Variants in FBN1 observed in about 807,000 individuals in gnomAD.
FBN1 encodes the protein fibrillin 1, also known as fibrillin-1.
In FBN1, 29 loss-of-function variants were observed where a neutral mutation model predicts 365.1. The ratio of observed to expected loss-of-function variants is 0.08; its 90% CI spans 0.06 to 0.11. The LOEUF (loss-of-function observed/expected upper bound fraction) is 0.11. Among genes scored for constraint, FBN1 ranks in the 10% least tolerant of loss-of-function variants. The pLI is 1.00. For missense variants in FBN1, 2,476 were observed against 3,703.2 expected, an observed-to-expected ratio of 0.67 and a Z score of 8.60; for synonymous variants, 1,210 against 1,270.5, an observed-to-expected ratio of 0.95 and a Z score of 1.01.
chr15:48,471,528 C>T (rs1378498324), intron 35 of FBN1, among the ~76,000 whole-genome samples: 1 of 152,168 alleles, frequency 6.6e-6, no homozygotes, highest in Non-Finnish European at 1.5e-5. Flanking sequence ...GGCACATGAT[C>T]AAGAGCATAA....
intron 36 of FBN1, among the ~76,000 whole-genome samples, 170 bp from the exon 37 acceptor site, chr15:48,468,704 G>A (rs2043343172): frequency 6.7e-6 from 1 of 149,722 alleles, no homozygotes; most frequent in African/African-American, 2.5e-5. Flanking sequence ...ACCTCAGGAA[G>A]GAAATATGAT....
intron 6 of FBN1, among the ~76,000 whole-genome samples, chr15:48,575,800 GAT>G: frequency 8.6e-6 from 1 of 115,640 alleles, no homozygotes; most frequent in Non-Finnish European, 1.8e-5. Flanking sequence ...GAAAATGTGA[GAT>G]ACACACACAC....
chr15:48,441,773 T>C lies in FBN1; in HGVS notation c.6111A>G (p.Lys2037=), dbSNP rs200681876. ...AGGAAAACCCTTCTGGACACAGACA[T>C]TTGAAGCTGCCTTCAGTGTTACTGC... The part of the protein sequence containing the change: ...GTCSNTEGSF[K]CLCPEGFSLS... The change falls in exon 50 of 66, where the codon AAA becomes AAG. Residue 2037 remains lysine, a synonymous_variant. Coordinates refer to ENST00000316623, the MANE Select transcript of FBN1 (RefSeq NM_000138.5). The C allele has an allele frequency of 6.2e-7, 1 of 1,613,734 alleles. No individual in the cohort carries two copies. The highest frequency in any genetic ancestry group is 2.2e-5 in the East Asian group (1 of 44,878).
In FBN1 at chr15:48,410,581, T is replaced by C. The variant is rs2042852315; in HGVS notation, c.*409A>G. The C allele has an allele frequency of 5.6e-6, 1 of 178,944 alleles. No individual in the cohort carries two copies. The highest frequency in any genetic ancestry group is 1.2e-5 in the Non-Finnish European group (1 of 84,666). 11.1% of individuals were successfully genotyped at this position (178,944 alleles called of 1,614,324 possible). On this transcript the variant is annotated 3_prime_UTR_variant, in exon 66 of 66. Coordinates refer to ENST00000316623, the MANE Select transcript of FBN1 (RefSeq NM_000138.5). Reference sequence around the variant, plus strand: ...TGAAAATTTACTAGCACCAAATAGGTACCATAAATGGACAACCTAGTACTT... The same window carrying C: ...TGAAAATTTACTAGCACCAAATAGGCACCATAAATGGACAACCTAGTACTT...
At chr15:48,494,364 A>T (rs1171908920) in intron 22 of FBN1, 110 bp from the exon 23 acceptor site, 9 of 823,066 alleles carry the variant, frequency 1.1e-5, no homozygotes, top group Non-Finnish European at 1.9e-5. Flanking sequence ...TGGAACATGA[A>T]GTAGATTGTG....
chr15:48,523,135 C>G (rs775407295), intron 9 of FBN1, among the ~76,000 whole-genome samples: 4 of 152,162 alleles, frequency 2.6e-5, no homozygotes, highest in Non-Finnish European at 5.9e-5. Context: ...AAAGACTGTT[C>G]AGAATGGGAA....
chr15:48,530,270 A>C (rs2043958788), intron 8 of FBN1, among the ~76,000 whole-genome samples: 1 of 141,950 alleles, frequency 7.0e-6, no homozygotes, highest in Non-Finnish European at 1.5e-5. Flanking sequence ...CTGAATTCTT[A>C]TCCATGCTGC....
At chr15:48,494,110 C>T in intron 23 of FBN1, 94 bp downstream of exon 23, 1 of 974,808 alleles carries the variant, frequency 1.0e-6, no homozygotes, top group Non-Finnish European at 1.7e-6. Context: ...ATATTTCTCC[C>T]TGTGAAGTTA....
chr15:48,501,929 C>T (rs1714483191), intron 17 of FBN1, among the ~76,000 whole-genome samples: 1 of 152,158 alleles, frequency 6.6e-6, no homozygotes, highest in Admixed American at 6.5e-5. Flanking sequence ...ACATATTGAA[C>T]TGATTGGTGA....
chr15:48,491,603 G>A (rs758922750), intron 24 of FBN1, among the ~76,000 whole-genome samples: 8 of 152,042 alleles, frequency 5.3e-5, no homozygotes, highest in South Asian at 2.1e-4. Flanking sequence ...CACCTGCCTC[G>A]GCCTCCCGAA....
chr15:48,586,029 GAA>G (rs935838991), intron 6 of FBN1, among the ~76,000 whole-genome samples: 19 of 152,178 alleles, frequency 1.2e-4, no homozygotes, highest in African/African-American at 4.6e-4. Context: ...AATGCACATG[GAA>G]AAAAAGTTTT....
intron 43 of FBN1, 26 bp from the exon 44 acceptor site, chr15:48,456,788 G>T: frequency 6.2e-7 from 1 of 1,610,176 alleles, no homozygotes. Context: ...TCATTCATGA[G>T]TGACAGGACA....
chr15:48,478,238 A>G (rs996735386), intron 32 of FBN1, among the ~76,000 whole-genome samples: 8 of 152,298 alleles, frequency 5.3e-5, no homozygotes, highest in African/African-American at 1.9e-4. Flanking sequence ...ACACCCATGG[A>G]GTTTTCACAG....
intron 63 of FBN1, among the ~76,000 whole-genome samples, chr15:48,416,353 C>T (rs1468394192): frequency 4.6e-5 from 7 of 152,172 alleles, no homozygotes; most frequent in Non-Finnish European, 2.9e-5. Flanking sequence ...CCCACTTGGA[C>T]TTCCTTTTCA....
At chr15:48,617,735 C>T (rs1233513711) in intron 2 of FBN1, among the ~76,000 whole-genome samples, 1 of 152,156 alleles carries the variant, frequency 6.6e-6, no homozygotes, top group African/African-American at 2.4e-5. Flanking sequence ...TGGCAAAAGC[C>T]TCTCTCAACG....
At chr15:48,499,090 G>A (rs1010492042) in intron 17 of FBN1, 52 bp from the exon 18 acceptor site, 2 of 1,573,536 alleles carry the variant, frequency 1.3e-6, no homozygotes, top group East Asian at 2.2e-5. Flanking sequence ...AGAACAGGTA[G>A]ATCCTGCCCT....
At chr15:48,434,442 G>T (rs2043048312) in intron 54 of FBN1, 152 bp downstream of exon 54, 3 of 907,858 alleles carry the variant, frequency 3.3e-6, no homozygotes, top group Non-Finnish European at 5.3e-6. Context: ...CAGAGAAGAG[G>T]CCACAAAAGA....
chr15:48,540,651 A>G (rs1405892756), intron 6 of FBN1, among the ~76,000 whole-genome samples: 2 of 152,160 alleles, frequency 1.3e-5, no homozygotes, highest in East Asian at 3.8e-4. Flanking sequence ...ATGACTATAT[A>G]TATCCTACAT....
intron 55 of FBN1, among the ~76,000 whole-genome samples, chr15:48,431,426 G>C (rs1208268021): frequency 6.6e-6 from 1 of 151,692 alleles, no homozygotes; most frequent in Non-Finnish European, 1.5e-5. Context: ...ATACTCCTTT[G>C]TTGAAGCATG....
Sources: allele counts gnomAD v4.1 joint callset (sites outside exome capture counted in the v4.1 genomes callset), GRCh38; gene constraint gnomAD v4.1.1; transcripts MANE v1.5; gene names NCBI Gene and HGNC (gene_info 2026-07-23, HGNC 2026-07-21).